Variants in DAW1 observed in about 807,000 individuals in gnomAD.
The protein encoded by DAW1 is dynein assembly factor with WD repeat domains 1.
In DAW1, 47 loss-of-function variants were observed where a neutral mutation model predicts 56.5. That is an observed-to-expected ratio of 0.83 (90% CI 0.66 to 1.06). The LOEUF is 1.06. Ranked by LOEUF, DAW1 falls within the 50% of genes least tolerant of loss-of-function variation. The pLI, the probability that DAW1 is intolerant of heterozygous loss-of-function variation, is 0.00. For missense variants in DAW1, 505 were observed against 499.3 expected (o/e 1.01, Z -0.11); for synonymous variants, 190 against 179.0 (o/e 1.06, Z -0.49).
intron 6 of DAW1, 24 bp downstream of exon 6, chr2:227,898,305 A>G: frequency 8.1e-7 from 1 of 1,230,712 alleles, no homozygotes; most frequent in Non-Finnish European, 1.1e-6. Flanking sequence ...ACAATTTATT[A>G]TTATTTTATG....
At chr2:227,913,871 A>ATATCTATCTATCTATCTATCTATCTATC (rs559993251) in intron 10 of DAW1, among the ~76,000 whole-genome samples, 2 of 143,618 alleles carry the variant, frequency 1.4e-5, no homozygotes, top group African/African-American at 2.6e-5. Context: ...GACAGTCATC[A>ATATCTATCTATCTATCTATCTATCTATC]TATCTATCTA....
At chr2:227,921,103 G>C (rs867017452) in intron 11 of DAW1, among the ~76,000 whole-genome samples, 5 of 152,278 alleles carry the variant, frequency 3.3e-5, no homozygotes, top group Admixed American at 6.5e-5. Context: ...TGCATCTTTG[G>C]AAAGAAGCTG....
At chr2:227,872,188 T>C (rs1272898531) in intron 1 of DAW1, 2 of 153,164 alleles carry the variant, frequency 1.3e-5, no homozygotes, top group African/African-American at 4.9e-5. Flanking sequence ...GTGACACCCA[T>C]TGATCACCCA....
intron 10 of DAW1, among the ~76,000 whole-genome samples, chr2:227,916,661 T>G: frequency 6.6e-6 from 1 of 152,156 alleles, no homozygotes; most frequent in East Asian, 1.9e-4. Context: ...ACTATATTAT[T>G]TGGGTATCAT....
intron 1 of DAW1, among the ~76,000 whole-genome samples, chr2:227,883,986 A>G (rs1369721446): frequency 6.6e-6 from 1 of 152,106 alleles, no homozygotes; most frequent in Non-Finnish European, 1.5e-5. Context: ...AATTTTTGAG[A>G]TGTACTAGTT....
chr2:227,912,509 T>C (rs1247031552), intron 10 of DAW1: 5 of 1,294,542 alleles, frequency 3.9e-6, no homozygotes, highest in Non-Finnish European at 5.1e-6. Context: ...TTGATGATCA[T>C]ATATAATGCT....
intron 4 of DAW1, 77 bp from the exon 5 acceptor site, chr2:227,893,718 T>A: frequency 6.5e-7 from 1 of 1,534,970 alleles, no homozygotes; most frequent in Non-Finnish European, 8.7e-7. Flanking sequence ...AGAGTTATTA[T>A]CCTACAGGTA....
Position 227,907,240 on chromosome 2 carries a change from G to A in DAW1, c.961G>A (p.Ala321Thr). The change falls in exon 10 of 13, where the codon GCT becomes ACT. Residue 321 changes from alanine (A) to threonine (T), a missense_variant. By Grantham distance (58) the Ala-to-Thr change is moderately conservative. Transcript: ENST00000309931. ...TTACACTGGAAAGCTTATTGCAACT[G>A]CTTCAGCTGATGGTAGGTGATCTGT... ...FDYTGKLIAT[A>T]SADGTARIFS... The A allele has an allele frequency of 6.2e-7, 1 of 1,612,250 alleles. No homozygotes were observed. The highest frequency in any genetic ancestry group is 8.5e-7 in the Non-Finnish European group (1 of 1,179,066).
At chr2:227,922,557 G>T (rs2106220410) in intron 12 of DAW1, among the ~76,000 whole-genome samples, 1 of 152,218 alleles carries the variant, frequency 6.6e-6, no homozygotes, top group South Asian at 2.1e-4. Flanking sequence ...TCATCATGTT[G>T]AGCAAATTTA....
In DAW1 at chr2:227,907,190, A is replaced by G; in HGVS notation, c.911A>G (p.Asp304Gly). Residue 304 changes from aspartate to glycine, a missense_variant, in exon 10 of 13, where the codon GAT becomes GGT. Physicochemically the swap from Asp to Gly is moderately conservative, Grantham distance 94 (BLOSUM62 -1). Coordinates refer to ENST00000309931, the MANE Select transcript of DAW1 (RefSeq NM_178821.3). ...KCVATLTGHD[D>G]EILDSCFDYT... is the part of the protein sequence containing the mutation. ...GTGGCAACCTTAACAGGCCATGATG[A>G]TGAAATACTAGACAGCTGCTTTGAT... 6.2e-7 allele frequency: 1 copy of G among 1,613,758 alleles called. No individual in the cohort carries two copies. The highest frequency in any genetic ancestry group is 8.5e-7 in the Non-Finnish European group (1 of 1,179,896).
At chr2:227,909,236 C>CTATA (rs1257617704) in intron 10 of DAW1, among the ~76,000 whole-genome samples, 1 of 117,754 alleles carries the variant, frequency 8.5e-6, no homozygotes, top group African/African-American at 3.0e-5. Flanking sequence ...GTGATATTAT[C>CTATA]TATCTATCTA....
Position 227,924,127 on chromosome 2 carries a change from C to T in DAW1, c.*159C>T, listed in dbSNP as rs914732660. Reference sequence around the variant, plus strand: ...TCATTTCACAGATATGACCATTAAACATGACAAAGTTATGCCACTCCAATA... The same window carrying T: ...TCATTTCACAGATATGACCATTAAATATGACAAAGTTATGCCACTCCAATA... On this transcript the variant is annotated 3_prime_UTR_variant, in exon 13 of 13. Transcript: ENST00000309931. 4.8e-6 allele frequency: 4 copies of T among 840,994 alleles called. No individual in the cohort carries two copies. The highest frequency in any genetic ancestry group is 1.7e-5 in the African/African-American group (1 of 58,292). 52.1% of individuals were successfully genotyped at this position (840,994 alleles called of 1,614,324 possible). A position where few individuals can be genotyped will look rare whatever the true frequency, so the allele number is the denominator to read the frequency against.
intron 10 of DAW1, among the ~76,000 whole-genome samples, chr2:227,910,864 C>T (rs1179239894): frequency 3.3e-5 from 5 of 152,114 alleles, no homozygotes; most frequent in African/African-American, 1.2e-4. Flanking sequence ...GACATTACAA[C>T]ATATCTGTGT....
chr2:227,884,673 C>T (rs1338896643), intron 1 of DAW1, among the ~76,000 whole-genome samples: 2 of 152,138 alleles, frequency 1.3e-5, no homozygotes, highest in African/African-American at 4.8e-5. Flanking sequence ...ACTTCCCGGC[C>T]TGATTATGCT....
At chr2:227,884,629 G>C (rs1691080194) in intron 1 of DAW1, among the ~76,000 whole-genome samples, 1 of 152,184 alleles carries the variant, frequency 6.6e-6, no homozygotes, top group African/African-American at 2.4e-5. Flanking sequence ...TACTTCCCTA[G>C]TAGGCCTGCT....
At chr2:227,919,677 G>A (rs1559315897) in intron 11 of DAW1, among the ~76,000 whole-genome samples, 1 of 152,110 alleles carries the variant, frequency 6.6e-6, no homozygotes, top group African/African-American at 2.4e-5. Flanking sequence ...TTCCCCCAAA[G>A]GATCATTCAC....
intron 1 of DAW1, among the ~76,000 whole-genome samples, chr2:227,884,561 G>A (rs568367113): frequency 6.6e-6 from 1 of 152,194 alleles, no homozygotes; most frequent in South Asian, 2.1e-4. Flanking sequence ...TTGTTTTTTC[G>A]GGTACTGCTA....
chr2:227,913,073 T>A (rs1410062553), intron 10 of DAW1, among the ~76,000 whole-genome samples: 1 of 152,186 alleles, frequency 6.6e-6, no homozygotes, highest in Non-Finnish European at 1.5e-5. Context: ...ACAATCGCAA[T>A]CATGTATGAG....
intron 10 of DAW1, among the ~76,000 whole-genome samples, chr2:227,913,928 TTCATCATCA>T (rs146455954): frequency 1.4e-5 from 2 of 147,674 alleles, no homozygotes; most frequent in Admixed American, 1.4e-4. Flanking sequence ...TCTATCTATC[TTCATCATCA>T]TCATCATCAT....
Sources: gnomAD v4.1 joint callset for allele counts (sites outside exome capture counted in the v4.1 genomes callset) on GRCh38, gnomAD v4.1.1 for gene constraint, MANE v1.5 for transcripts, NCBI Gene and HGNC (gene_info 2026-07-23, HGNC 2026-07-21) for gene names.